CLVS1: variants seen among roughly 807,000 people sequenced by gnomAD.
CLVS1 encodes clavesin-1.
A neutral mutation model predicts 33.1 loss-of-function variants in CLVS1; 10 were observed. That is an observed-to-expected ratio of 0.30 (90% CI 0.19 to 0.51). The LOEUF (loss-of-function observed/expected upper bound fraction) is 0.51. Among genes scored for constraint, CLVS1 ranks in the 20% least tolerant of loss-of-function variants. The pLI, the probability that CLVS1 is intolerant of heterozygous loss-of-function variation, is 0.97. For missense variants in CLVS1, 343 were observed against 433.4 expected (o/e 0.79, Z 1.85); for synonymous variants, 163 against 166.1 (o/e 0.98, Z 0.14).
chr8:61,062,719 C>T (rs946311606), intron 1 of CLVS1, among the ~76,000 whole-genome samples: 1 of 152,148 alleles, frequency 6.6e-6, no homozygotes, highest in African/African-American at 2.4e-5. Flanking sequence ...CATTATGGTC[C>T]ACGGGCCAAA....
intron 2 of CLVS1, among the ~76,000 whole-genome samples, chr8:61,190,236 A>G (rs2129302484): frequency 6.6e-6 from 1 of 152,348 alleles, no homozygotes; most frequent in African/African-American, 2.4e-5. Flanking sequence ...AAACTGCTCA[A>G]CTACATGGAA....
At chr8:61,101,314 C>G (rs1436870943) in intron 1 of CLVS1, among the ~76,000 whole-genome samples, 1 of 152,016 alleles carries the variant, frequency 6.6e-6, no homozygotes, top group African/African-American at 2.4e-5. Context: ...GTTTGCATTT[C>G]TTTGATGGTT....
chr8:61,250,920 T>G (rs1808930858), intron 2 of CLVS1, among the ~76,000 whole-genome samples: 1 of 152,216 alleles, frequency 6.6e-6, no homozygotes, highest in African/African-American at 2.4e-5. Context: ...TTCTCTTACC[T>G]GATTGCCCTG....
At chr8:61,029,748 A>T in the CLVS1 span, among the ~76,000 whole-genome samples, 2 of 152,100 alleles carry the variant, frequency 1.3e-5, no homozygotes, top group East Asian at 3.8e-4. Context: ...TCCCTCCCCT[A>T]GGAGAAACAA....
chr8:61,415,121 C>T (rs926644934), intron 3 of CLVS1, among the ~76,000 whole-genome samples: 10 of 152,266 alleles, frequency 6.6e-5, no homozygotes, highest in South Asian at 2.1e-4. Context: ...GCTCTTGCCT[C>T]ATCTGTATTC....
intron 2 of CLVS1, among the ~76,000 whole-genome samples, chr8:61,188,224 CT>C (rs1048595939): frequency 6.6e-6 from 1 of 152,124 alleles, no homozygotes; most frequent in African/African-American, 2.4e-5. Context: ...ATCATTCAGG[CT>C]TGAATAAAAC....
intron 2 of CLVS1, among the ~76,000 whole-genome samples, chr8:61,183,162 C>T (rs1231985097): frequency 6.7e-6 from 1 of 148,460 alleles, no homozygotes; most frequent in Non-Finnish European, 1.5e-5. Flanking sequence ...CGGAGGGGGG[C>T]AGGCACAAGT....
intron 2 of CLVS1, among the ~76,000 whole-genome samples, chr8:61,249,550 A>C (rs906972967): frequency 1.3e-5 from 2 of 152,104 alleles, no homozygotes; most frequent in Non-Finnish European, 2.9e-5. Flanking sequence ...GTGTAAAAGC[A>C]TTCCTATTTC....
chr8:61,135,482 C>T (rs1452982821), intron 2 of CLVS1, among the ~76,000 whole-genome samples: 1 of 152,104 alleles, frequency 6.6e-6, no homozygotes, highest in African/African-American at 2.4e-5. Context: ...AGGCCTGTGG[C>T]TTCCGTGACC....
intron 3 of CLVS1, among the ~76,000 whole-genome samples, chr8:61,390,159 T>C (rs1370548310): frequency 6.6e-6 from 1 of 152,166 alleles, no homozygotes; most frequent in African/African-American, 2.4e-5. Context: ...TTCTGATAAA[T>C]AAAAATGAGA....
chr8:61,201,811 C>G (rs941078492), intron 2 of CLVS1, among the ~76,000 whole-genome samples: 1 of 152,180 alleles, frequency 6.6e-6, no homozygotes, highest in African/African-American at 2.4e-5. Flanking sequence ...AGAAATAGCA[C>G]TAGAACATAA....
intron 2 of CLVS1, among the ~76,000 whole-genome samples, chr8:61,353,730 AAAT>A (rs1469082073): frequency 1.1e-4 from 16 of 149,956 alleles, no homozygotes; most frequent in African/African-American, 1.5e-4. Context: ...ATAAAAAAAA[AAAT>A]AAAGAAAGAA....
chr8:61,184,578 C>T (rs549027148), intron 2 of CLVS1, among the ~76,000 whole-genome samples: 1 of 152,310 alleles, frequency 6.6e-6, no homozygotes, highest in South Asian at 2.1e-4. Context: ...GGGCACTAGA[C>T]TGTCTTCACT....
chr8:61,416,616 T>A (rs1187257120), intron 3 of CLVS1, among the ~76,000 whole-genome samples: 1 of 152,196 alleles, frequency 6.6e-6, no homozygotes, highest in African/African-American at 2.4e-5. Context: ...TGAGCCCATC[T>A]ATGCAGGAAC....
In CLVS1 at chr8:61,272,822, C is replaced by T. The variant is rs1006535632; in HGVS notation, c.-151-26855C>T. 3.8e-3 allele frequency among the ~76,000 whole-genome samples: 581 copies of T among 152,120 alleles called. 5 individuals are homozygous for T. Among genetic ancestry groups the T allele is most frequent in the African/African-American group, 0.013 (534 of 41,476 alleles). The stretch of plus-strand genomic sequence containing the variant: ...GCTTCTGCATTCTTCACGTAGTTCT[C>T]GAGCCTTGGTTTTCAGCTCCGTCAG... On this transcript the variant is annotated intron_variant, in intron 2 of 2. Transcript: ENST00000522621.
chr8:61,063,453 T>C (rs1804622504), intron 1 of CLVS1, among the ~76,000 whole-genome samples: 1 of 151,996 alleles, frequency 6.6e-6, no homozygotes, highest in Admixed American at 6.6e-5. Context: ...CAGGGACCTG[T>C]GCACGTCAAG....
intron 1 of CLVS1, among the ~76,000 whole-genome samples, chr8:61,067,222 A>G (rs2129279308): frequency 7.1e-6 from 1 of 141,048 alleles, no homozygotes; most frequent in South Asian, 2.8e-4. Flanking sequence ...TTTTGTATTA[A>G]TTATCAGACT....
In CLVS1 at chr8:61,119,468, C is replaced by T. The variant is rs1325526699; in HGVS notation, c.-242-12302C>T. ...AGTTGATGCAGTTTCTTCCTAGTCT[C>T]GATGGTCTTTACATTTTGGCATGAT... is the stretch of plus-strand genomic sequence containing the variant. On this transcript the variant is annotated intron_variant, in intron 1 of 2. Coordinates refer to the CLVS1 transcript ENST00000522621. Among the ~76,000 whole-genome samples the T allele has an allele frequency of 4.7e-5, 7 of 148,142 alleles. No homozygotes were observed. In the South Asian group the frequency reaches 6.8e-4, roughly 14 times the overall value.
intron 1 of CLVS1, among the ~76,000 whole-genome samples, chr8:61,126,830 C>G (rs1017404541): frequency 6.6e-6 from 1 of 152,218 alleles, no homozygotes; most frequent in African/African-American, 2.4e-5. Context: ...CACAACCTCT[C>G]TCTACATTGC....
Sources: gnomAD v4.1 joint callset for allele counts (sites outside exome capture counted in the v4.1 genomes callset) on GRCh38, gnomAD v4.1.1 for gene constraint, MANE v1.5 for transcripts, NCBI Gene and HGNC (gene_info 2026-07-23, HGNC 2026-07-21) for gene names.